The following ADGRL3 variants were observed in gnomAD, a reference collection of about 807,000 sequenced individuals.
The protein encoded by ADGRL3 is calcium-independent alpha-latrotoxin receptor 3.
A neutral mutation model predicts 153.5 loss-of-function variants in ADGRL3; 62 were observed. That is an observed-to-expected ratio of 0.40 (90% CI 0.33 to 0.50). ADGRL3 has a LOEUF of 0.50. ADGRL3 is among the 20% of genes least tolerant of loss of function. ADGRL3 has a pLI of 0.47. For missense variants in ADGRL3, 1,641 were observed against 1,859.4 expected, an observed-to-expected ratio of 0.88 and a Z score of 2.16; for synonymous variants, 710 against 672.5, an observed-to-expected ratio of 1.06 and a Z score of -0.86.
At chr4:61,536,601 T>C (rs953672303) in intron 4 of ADGRL3, among the ~76,000 whole-genome samples, 1 of 152,106 alleles carries the variant, frequency 6.6e-6, no homozygotes, top group Non-Finnish European at 1.5e-5. Context: ...GATAGGTAAA[T>C]CTTCTTGTTG....
chr4:61,358,571 T>G (rs1192289336), intron 1 of ADGRL3, among the ~76,000 whole-genome samples: 1 of 119,992 alleles, frequency 8.3e-6, no homozygotes, highest in Non-Finnish European at 1.6e-5. Flanking sequence ...CACTCCAGCC[T>G]GGGCGACAGA....
intron 24 of ADGRL3, among the ~76,000 whole-genome samples, chr4:62,039,012 T>C (rs563985223): frequency 6.6e-6 from 1 of 152,324 alleles, no homozygotes; most frequent in Non-Finnish European, 1.5e-5. Context: ...AATAAACTTA[T>C]AAATCAAGAA....
chr4:61,700,131 C>T (rs928270333), intron 6 of ADGRL3, among the ~76,000 whole-genome samples: 2 of 151,714 alleles, frequency 1.3e-5, no homozygotes, highest in African/African-American at 4.9e-5. Context: ...ATACACTTAA[C>T]AAATTCAACA....
chr4:61,518,706 G>A (rs1171869768), intron 4 of ADGRL3, among the ~76,000 whole-genome samples: 1 of 152,162 alleles, frequency 6.6e-6, no homozygotes, highest in East Asian at 1.9e-4. Context: ...TTGTAGTGGT[G>A]GTTTGGCAGC....
At chr4:61,570,940 A>G (rs929234548) in intron 4 of ADGRL3, among the ~76,000 whole-genome samples, 6 of 152,162 alleles carry the variant, frequency 3.9e-5, no homozygotes, top group Non-Finnish European at 8.8e-5. Context: ...CAAATGAAGA[A>G]GCGGGTAAGC....
intron 5 of ADGRL3, among the ~76,000 whole-genome samples, chr4:61,614,962 A>G (rs1467736209): frequency 1.3e-5 from 2 of 152,176 alleles, no homozygotes; most frequent in Non-Finnish European, 2.9e-5. Context: ...TTTAAAAGAA[A>G]TAAGTATAGG....
intron 2 of ADGRL3, among the ~76,000 whole-genome samples, chr4:61,483,344 A>G (rs2098151656): frequency 6.6e-6 from 1 of 152,214 alleles, no homozygotes; most frequent in African/African-American, 2.4e-5. Flanking sequence ...TTTTACCATT[A>G]TAAAATATAC....
At chr4:61,983,935 A>G (rs1295030952) in intron 19 of ADGRL3, among the ~76,000 whole-genome samples, 61 of 152,174 alleles carry the variant, frequency 4.0e-4, no homozygotes, top group Non-Finnish European at 2.9e-5. Flanking sequence ...CTAGCATAGG[A>G]TGGTGCAGTC....
chr4:61,903,190 G>A (rs1330910470), intron 11 of ADGRL3, among the ~76,000 whole-genome samples: 1 of 152,096 alleles, frequency 6.6e-6, no homozygotes, highest in Non-Finnish European at 1.5e-5. Context: ...TACTTTTTAT[G>A]TATCATATTC....
At chr4:61,636,628 G>T (rs2093434324) in intron 5 of ADGRL3, among the ~76,000 whole-genome samples, 1 of 151,898 alleles carries the variant, frequency 6.6e-6, no homozygotes, top group Admixed American at 6.6e-5. Context: ...AAAAAGAAAT[G>T]TTACCAGATA....
chr4:61,336,256 G>C (rs540811142), intron 1 of ADGRL3, among the ~76,000 whole-genome samples: 2 of 152,136 alleles, frequency 1.3e-5, no homozygotes, highest in African/African-American at 4.8e-5. Flanking sequence ...TTCCCCTGAA[G>C]CCTCTTGAAA....
At chr4:61,226,023 C>T (rs1747797657) in intron 1 of ADGRL3, among the ~76,000 whole-genome samples, 1 of 152,084 alleles carries the variant, frequency 6.6e-6, no homozygotes, top group South Asian at 2.1e-4. Context: ...AGAGTATTCC[C>T]CACTCCCAAA....
At chr4:61,728,757 A>G (rs1330824902) in intron 6 of ADGRL3, among the ~76,000 whole-genome samples, 1 of 152,100 alleles carries the variant, frequency 6.6e-6, no homozygotes, top group Non-Finnish European at 1.5e-5. Flanking sequence ...GTCAACTTTC[A>G]TATGACTTTC....
chr4:61,441,678 C>A (rs2097530505), intron 2 of ADGRL3, among the ~76,000 whole-genome samples: 1 of 152,046 alleles, frequency 6.6e-6, no homozygotes, highest in African/African-American at 2.4e-5. Context: ...TGCCGCTACG[C>A]CTGGCTAATT....
At chr4:61,547,182 A>G (rs113804651) in intron 4 of ADGRL3, among the ~76,000 whole-genome samples, 19 of 152,242 alleles carry the variant, frequency 1.2e-4, no homozygotes, top group African/African-American at 4.3e-4. Context: ...GTGTCTTTCT[A>G]AAGAACTGGT....
At chr4:61,496,291 AAATTATACTGTGGTAT>A (rs1421424952) in intron 2 of ADGRL3, among the ~76,000 whole-genome samples, 2 of 152,224 alleles carry the variant, frequency 1.3e-5, no homozygotes, top group African/African-American at 2.4e-5. Flanking sequence ...AATGTTAGTG[AAATTATACTGTGGTAT>A]AATTATACTG....
At chr4:61,343,063 C>G (rs2151169286) in intron 1 of ADGRL3, among the ~76,000 whole-genome samples, 1 of 152,212 alleles carries the variant, frequency 6.6e-6, no homozygotes, top group South Asian at 2.1e-4. Context: ...TCTTGTGAGA[C>G]TTGTTCCCTT....
chr4:61,474,441 G>A (rs1353899772), intron 2 of ADGRL3, among the ~76,000 whole-genome samples: 9 of 152,116 alleles, frequency 5.9e-5, no homozygotes, highest in Admixed American at 5.2e-4. Flanking sequence ...AATACTGCTT[G>A]TAGGACACTG....
intron 9 of ADGRL3, among the ~76,000 whole-genome samples, 194 bp from the exon 10 acceptor site, chr4:61,892,462 A>G (rs1299276378): frequency 6.6e-6 from 1 of 152,066 alleles, no homozygotes; most frequent in African/African-American, 2.4e-5. Flanking sequence ...GGTTGTTTTG[A>G]TACTCAAGTG....
Sources: gnomAD v4.1 joint callset for allele counts (sites outside exome capture counted in the v4.1 genomes callset) on GRCh38, gnomAD v4.1.1 for gene constraint, MANE v1.5 for transcripts, NCBI Gene and HGNC (gene_info 2026-07-23, HGNC 2026-07-21) for gene names.